Variants in AFF2 observed in about 807,000 individuals in gnomAD.
AFF2 encodes ALF transcription elongation factor 2.
AFF2 carries 14 observed loss-of-function variants against 76.9 expected under a neutral mutation model. The ratio of observed to expected loss-of-function variants is 0.18; its 90% confidence interval spans 0.12 to 0.28. The LOEUF (loss-of-function observed/expected upper bound fraction) is 0.28, where lower values mean the gene tolerates loss of function less well. AFF2 is among the 10% of genes least tolerant of loss of function. The probability of loss-of-function intolerance (pLI) is 1.00; values close to 1 mark genes in which losing one functional copy is unlikely to be tolerated. For synonymous variants in AFF2, 398 were observed against 366.7 expected (o/e 1.09, Z -0.98); for missense variants, 868 against 1,001.1 (o/e 0.87, Z 1.79).
At chrX:148,603,795 T>C (rs2053649316) in intron 1 of AFF2, among the ~76,000 whole-genome samples, 1 of 111,107 alleles carries the variant, frequency 9.0e-6, no homozygotes, top group Admixed American at 9.6e-5. Flanking sequence ...TTTTTGCCTT[T>C]CTTCCATTTA....
chrX:148,773,698 G>GAA (rs1557268282), intron 3 of AFF2, among the ~76,000 whole-genome samples: 2 of 83,154 alleles, frequency 2.4e-5, no homozygotes, highest in Non-Finnish European at 4.4e-5. Flanking sequence ...AAGAAAGAAA[G>GAA]AAAGAAAGAA....
chrX:148,662,512 G>C lies in AFF2; in HGVS notation c.785G>C (p.Ser262Thr). The C allele has an allele frequency of 8.3e-7, 1 of 1,211,991 alleles. No individual in the cohort carries two copies. The highest frequency in any genetic ancestry group is 3.0e-5 in the East Asian group (1 of 33,872). ...PLVASSLLAPSSGLSVQNFPP... is the reference protein window; with the variant it reads ...PLVASSLLAPTSGLSVQNFPP... ...GTGGCTTCCTCTTTATTAGCTCCTAGCAGTGGCCTTTCAGTTCAAAACTTC... is the reference window on the plus strand; with the variant it reads ...GTGGCTTCCTCTTTATTAGCTCCTACCAGTGGCCTTTCAGTTCAAAACTTC... Residue 262 changes from serine (S) to threonine (T), a missense_variant, in exon 3 of 21, where the codon AGC (serine) becomes ACC (threonine). Transcript: ENST00000370460.
In AFF2 at chrX:148,528,525, C is replaced by T. The variant is rs142611067; in HGVS notation, c.47+27381C>T. 9.9e-5 allele frequency among the ~76,000 whole-genome samples: 11 copies of T among 111,243 alleles called. No homozygotes were observed. The East Asian group carries it at 2.8e-3, about 29-fold the overall frequency. On this transcript the variant is annotated intron_variant, in intron 1 of 20. Coordinates refer to ENST00000370460, the MANE Select transcript of AFF2 (RefSeq NM_002025.4). The stretch of plus-strand genomic sequence containing the variant: ...TAGACCTTTGACAAACTCCTGGTAA[C>T]ATGGTCTCTTGAAAGGCAGAGTGGA...
chrX:148,886,021 G>T lies in AFF2; in HGVS notation c.1359+36G>T, dbSNP rs148137743. On this transcript the variant is annotated intron_variant, in intron 8 of 20. Coordinates refer to ENST00000370460, the MANE Select transcript of AFF2 (RefSeq NM_002025.4). ...CTTAGGGCTTTGTTTTGGGATGAAG[G>T]GGGGAGCAGGAGGAACTGGAATGGC... The T allele has an allele frequency of 5.1e-4, 542 of 1,061,018 alleles. 2 individuals are homozygous for T. The African/African-American group carries it at 8.3e-3, about 16-fold the overall frequency. The allele number at this position is 1,061,018 out of a possible 1,213,427, so 87.4% of individuals were successfully genotyped here. A position where few individuals can be genotyped will look rare whatever the true frequency, so the allele number is the denominator to read the frequency against.
Position 148,627,831 on chromosome X carries a change from T to C in AFF2, c.48-24168T>C, listed in dbSNP as rs369844871. On this transcript the variant is annotated intron_variant, in intron 1 of 20. Transcript: ENST00000370460. Reference sequence around the variant, plus strand: ...TTGTATCATATGAACTTTGAGACATTGGAGGGCCAGGCAGAAATGATCCTC... The same window carrying C: ...TTGTATCATATGAACTTTGAGACATCGGAGGGCCAGGCAGAAATGATCCTC... 5.7e-4 allele frequency among the ~76,000 whole-genome samples: 64 copies of C among 111,733 alleles called. 1 individual carries two copies. In the East Asian group the frequency reaches 9.1e-3, roughly 16 times the overall value.
chrX:148,708,292 A>T (rs1557262560), intron 3 of AFF2, among the ~76,000 whole-genome samples: 1 of 112,155 alleles, frequency 8.9e-6, no homozygotes, highest in Non-Finnish European at 1.9e-5. Context: ...ATGGAATAAA[A>T]AGGAGCTAAA....
intron 11 of AFF2, among the ~76,000 whole-genome samples, chrX:148,957,688 C>A (rs1369626379): frequency 2.7e-5 from 3 of 112,267 alleles, no homozygotes; most frequent in African/African-American, 9.7e-5. Flanking sequence ...TATTCAAAGT[C>A]TGAAACATTT....
At chrX:148,643,771 G>T (rs782551534) in intron 1 of AFF2, among the ~76,000 whole-genome samples, 93 of 111,486 alleles carry the variant, frequency 8.3e-4, no homozygotes, top group Non-Finnish European at 9.0e-4. Flanking sequence ...GAGCTGCTTG[G>T]GGGAGAAGCG....
chrX:148,861,474 C>T (rs927115752), intron 7 of AFF2, among the ~76,000 whole-genome samples: 1 of 111,418 alleles, frequency 9.0e-6, no homozygotes, highest in Admixed American at 9.5e-5. Context: ...TGGGAAACAG[C>T]GGGTTAAAAA....
intron 9 of AFF2, among the ~76,000 whole-genome samples, chrX:148,940,236 AC>A (rs1357870731): frequency 9.0e-6 from 1 of 111,040 alleles, no homozygotes; most frequent in Admixed American, 9.6e-5. Context: ...TTTAAACCCC[AC>A]CCCCCAAGTT....
At chrX:148,804,935 A>G (rs2070108602) in intron 3 of AFF2, among the ~76,000 whole-genome samples, 1 of 111,730 alleles carries the variant, frequency 9.0e-6, no homozygotes, top group South Asian at 3.8e-4. Flanking sequence ...CCCTGGATAG[A>G]GACATAGGGG....
At chrX:148,636,809 GA>G (rs368514123) in intron 1 of AFF2, among the ~76,000 whole-genome samples, 19,624 of 103,976 alleles carry the variant, frequency 0.19, 1,369 homozygotes, top group Non-Finnish European at 0.2. Flanking sequence ...AGTACCTTGG[GA>G]AAAAAAAAAC....
At position 148,980,886 on chromosome X, in the gene AFF2, T is replaced by C. The variant is rs782606608; in HGVS notation, c.3623+96T>C. The stretch of plus-strand genomic sequence containing the variant: ...ACAAGTCAGGAGTGAAGGTCAATTC[T>C]AGAACTACAGTCATTTTTGTGCATA... On this transcript the variant is annotated intron_variant, in intron 19 of 20. Transcript: ENST00000370460. 56 of 581,129 alleles carry C rather than the reference T, an allele frequency of 9.6e-5. No individual in the cohort carries two copies. In the African/African-American group the frequency reaches 9.6e-4, roughly 10 times the overall value. The allele number at this position is 581,129 out of a possible 1,213,427, so 47.9% of individuals were successfully genotyped here. A position where few individuals can be genotyped will look rare whatever the true frequency, so the allele number is the denominator to read the frequency against.
chrX:148,933,761 CAAT>C (rs1409682595), intron 9 of AFF2, among the ~76,000 whole-genome samples: 1 of 111,781 alleles, frequency 8.9e-6, no homozygotes, highest in Admixed American at 9.5e-5. Flanking sequence ...AGCATGATAA[CAAT>C]AAGACCATAT....
rs1392179787 is a variant in AFF2, at chrX:148,999,716, G to T, written c.*8384G>T. ...AAACATTATTTTACAGTTCCAGGAG[G>T]CCCTGGTTACATTACTATATGAAGG... On this transcript the variant is annotated 3_prime_UTR_variant, in exon 21 of 21. Coordinates refer to ENST00000370460, the MANE Select transcript of AFF2 (RefSeq NM_002025.4). The T allele has an allele frequency of 1.8e-5, 2 of 112,356 alleles. No individual in the cohort carries two copies. The highest frequency in any genetic ancestry group is 6.5e-5 in the African/African-American group (2 of 30,899). The allele number at this position is 112,356 out of a possible 1,213,427, so 9.3% of individuals were successfully genotyped here. A position where few individuals can be genotyped will look rare whatever the true frequency, so the allele number is the denominator to read the frequency against.
At chrX:148,739,933 C>A (rs1303429961) in intron 3 of AFF2, among the ~76,000 whole-genome samples, 2 of 111,741 alleles carry the variant, frequency 1.8e-5, no homozygotes, top group Non-Finnish European at 3.8e-5. Context: ...ATACAAAATT[C>A]TTGGCTGATA....
At chrX:148,599,508 C>T (rs1423515498) in intron 1 of AFF2, among the ~76,000 whole-genome samples, 6 of 110,523 alleles carry the variant, frequency 5.4e-5, no homozygotes, top group African/African-American at 2.0e-4. Flanking sequence ...TTGTGGTCAG[C>T]GTTATGAATG....
At chrX:148,543,557 C>A (rs1411731615) in intron 1 of AFF2, among the ~76,000 whole-genome samples, 3 of 111,198 alleles carry the variant, frequency 2.7e-5, no homozygotes, top group East Asian at 2.8e-4. Flanking sequence ...GGGTTTGAAC[C>A]CTAGTTTGTG....
At chrX:148,840,469 CT>C (rs1276865789) in intron 5 of AFF2, among the ~76,000 whole-genome samples, 24 of 111,980 alleles carry the variant, frequency 2.1e-4, no homozygotes, top group African/African-American at 7.1e-4. Context: ...CTGTCTGGCC[CT>C]TTGCAGGAAA....
Sources: allele counts gnomAD v4.1 joint callset (sites outside exome capture counted in the v4.1 genomes callset), GRCh38; gene constraint gnomAD v4.1.1; transcripts MANE v1.5; gene names NCBI Gene and HGNC (gene_info 2026-07-23, HGNC 2026-07-21).